Variants in NSD1 observed in about 807,000 individuals in gnomAD.
NSD1 encodes the protein nuclear receptor binding SET domain protein 1.
In NSD1, 26 loss-of-function variants were observed where a neutral mutation model predicts 242.7. The ratio of observed to expected loss-of-function variants is 0.11; its 90% CI spans 0.08 to 0.15. The LOEUF (loss-of-function observed/expected upper bound fraction) is 0.15, where lower values mean the gene tolerates loss of function less well. Among genes scored for constraint, NSD1 ranks in the 10% least tolerant of loss-of-function variants. The probability of loss-of-function intolerance (pLI) is 1.00; values close to 1 mark genes in which losing one functional copy is unlikely to be tolerated. For synonymous variants in NSD1, 1,106 were observed against 1,178.1 expected (o/e 0.94, Z 1.25); for missense variants, 2,495 against 3,272.8 (o/e 0.76, Z 5.80).
chr5:177,212,283 T>C (rs1281922020), intron 5 of NSD1, 88 bp downstream of exon 5: 1 of 1,298,854 alleles, frequency 7.7e-7, no homozygotes, highest in Non-Finnish European at 1.1e-6. Flanking sequence ...GTTGTAATGG[T>C]AAAGTGAAGT....
intron 22 of NSD1, 63 bp downstream of exon 22, chr5:177,292,221 C>G: frequency 6.5e-7 from 1 of 1,528,832 alleles, no homozygotes; most frequent in Non-Finnish European, 9.0e-7. Context: ...GGTCTCATGC[C>G]ATTTGCATCA....
intron 11 of NSD1, among the ~76,000 whole-genome samples, chr5:177,249,739 G>A (rs544542512): frequency 7.6e-4 from 116 of 152,224 alleles, no homozygotes; most frequent in African/African-American, 2.6e-3. Context: ...TGCCCGCCTC[G>A]GCCTCCCAAA....
intron 2 of NSD1, among the ~76,000 whole-genome samples, chr5:177,181,480 C>T (rs1760682669): frequency 7.3e-6 from 1 of 137,338 alleles, no homozygotes; most frequent in South Asian, 2.3e-4. Flanking sequence ...GGCTGGAGCG[C>T]ATTGGCACAA....
chr5:177,173,561 C>G (rs1323007068), intron 2 of NSD1, among the ~76,000 whole-genome samples: 1 of 146,072 alleles, frequency 6.8e-6, no homozygotes, highest in African/African-American at 2.6e-5. Flanking sequence ...GCAACCTCTG[C>G]CTTCTGGGTT....
rs1359804094 is a variant in NSD1, at chr5:177,212,086, A to G, written c.3687A>G (p.Ser1229=). 1.9e-6 allele frequency: 3 copies of G among 1,614,056 alleles called. No individual in the cohort carries two copies. The highest frequency in any genetic ancestry group is 1.7e-5 in the Admixed American group (1 of 59,990). ...AAAATCATGCTGACTGCTTAGATTC[A>G]GCTGGGCCACGGTTAAATGTTTGTG... ...TEQNHADCLD[S]AGPRLNVCDK... The change falls in exon 5 of 23, where the codon TCA becomes TCG. Residue 1229 remains serine (S), a synonymous_variant. Coordinates refer to ENST00000439151, the MANE Select transcript of NSD1 (RefSeq NM_022455.5).
intron 2 of NSD1, among the ~76,000 whole-genome samples, chr5:177,183,407 A>G (rs184215883): frequency 6.6e-6 from 1 of 152,254 alleles, no homozygotes; most frequent in East Asian, 1.9e-4. Context: ...TTTTGTATGG[A>G]CATGTGTTTT....
At chr5:177,265,704 T>C (rs1757374590) in intron 14 of NSD1, 2 of 1,609,040 alleles carry the variant, frequency 1.2e-6, no homozygotes. Flanking sequence ...TCCTCGCCCG[T>C]CTTCAAGGTC....
At chr5:177,224,092 G>A (rs960081060) in intron 5 of NSD1, among the ~76,000 whole-genome samples, 1 of 152,156 alleles carries the variant, frequency 6.6e-6, no homozygotes, top group African/African-American at 2.4e-5. Flanking sequence ...TTCTGAAATT[G>A]GAAAGTATAA....
chr5:177,196,830 G>A (rs549276842), intron 3 of NSD1, among the ~76,000 whole-genome samples: 7 of 152,306 alleles, frequency 4.6e-5, no homozygotes, highest in African/African-American at 1.7e-4. Context: ...AGGAAAAGTA[G>A]GAGAATGTGG....
At chr5:177,227,601 G>A (rs1302410803) in intron 5 of NSD1, among the ~76,000 whole-genome samples, 2 of 151,878 alleles carry the variant, frequency 1.3e-5, no homozygotes, top group Admixed American at 6.6e-5. Context: ...CCACCACATC[G>A]GGCTAATGTT....
chr5:177,220,065 G>A (rs2149862407), intron 5 of NSD1, among the ~76,000 whole-genome samples: 1 of 152,192 alleles, frequency 6.6e-6, no homozygotes, highest in South Asian at 2.1e-4. Flanking sequence ...ATATATGTTT[G>A]TTATATGCAA....
chr5:177,200,227 A>G (rs1762413640), intron 3 of NSD1, among the ~76,000 whole-genome samples: 1 of 151,914 alleles, frequency 6.6e-6, no homozygotes, highest in Non-Finnish European at 1.5e-5. Flanking sequence ...AGTAGCTGGG[A>G]CTATACGAGT....
chr5:177,257,213 TTTTCTTTTTTC>T, intron 13 of NSD1, 62 bp downstream of exon 13: 2 of 1,289,966 alleles, frequency 1.6e-6, no homozygotes, highest in Non-Finnish European at 2.2e-6. Flanking sequence ...GCAACAGATA[TTTTCTTTTTTC>T]TTTCTTTTTT....
chr5:177,244,833 C>A (rs1766153250), intron 9 of NSD1, among the ~76,000 whole-genome samples: 1 of 152,174 alleles, frequency 6.6e-6, no homozygotes, highest in Non-Finnish European at 1.5e-5. Context: ...AATCTAGCAA[C>A]ATGTTAGCTT....
intron 11 of NSD1, among the ~76,000 whole-genome samples, chr5:177,249,302 CT>C (rs1755710381): frequency 1.3e-5 from 2 of 152,028 alleles, no homozygotes; most frequent in South Asian, 4.1e-4. Context: ...AGCGAGACCC[CT>C]GTCTCTATTT....
chr5:177,261,093 T>C (rs1289106658), intron 14 of NSD1, among the ~76,000 whole-genome samples: 1 of 152,164 alleles, frequency 6.6e-6, no homozygotes, highest in Admixed American at 6.5e-5. Context: ...TCACCCAGGC[T>C]GGAGTGAAGT....
chr5:177,176,425 CTT>C, intron 2 of NSD1, among the ~76,000 whole-genome samples: 1 of 138,378 alleles, frequency 7.2e-6, no homozygotes, highest in East Asian at 2.0e-4. Flanking sequence ...CCTGGCTATT[CTT>C]TTTTTTTTTT....
intron 2 of NSD1, among the ~76,000 whole-genome samples, chr5:177,157,913 T>C (rs1308283855): frequency 1.3e-5 from 2 of 152,222 alleles, no homozygotes; most frequent in African/African-American, 4.8e-5. Context: ...TAAGGCCCAT[T>C]TATGTTGTTG....
Position 177,238,214 on chromosome 5 carries a change from C to CT in NSD1, c.3922-22dup. On this transcript the variant is annotated intron_variant, in intron 6 of 22. Transcript: ENST00000439151. This position sits in a 1 kb window ranked among gnomAD's most constrained non-coding sequence, Gnocchi z 4.6. ...TTACAACAATTTTGGCCTGTGGACT[C>CT]TATTTTTATTTTTTGTTCTTAGGTA... The CT allele has an allele frequency of 6.2e-7, 1 of 1,614,078 alleles. No individual in the cohort carries two copies. Among genetic ancestry groups the CT allele is most frequent in the Non-Finnish European group, 8.5e-7 (1 of 1,179,996 alleles).
Sources: gnomAD v4.1 joint callset for allele counts (sites outside exome capture counted in the v4.1 genomes callset) on GRCh38, gnomAD v4.1.1 for gene constraint, Gnocchi (gnomAD v3.1) non-coding constraint, MANE v1.5 for transcripts, NCBI Gene and HGNC (gene_info 2026-07-23, HGNC 2026-07-21) for gene names.